Variants in FSTL4 observed in about 807,000 individuals in gnomAD.
FSTL4 encodes the protein follistatin like 4.
Under a neutral mutation model 78.2 loss-of-function variants are expected in FSTL4, and 28 were observed. The observed-to-expected ratio is 0.36, with a 90% CI of 0.27 to 0.49. The LOEUF (loss-of-function observed/expected upper bound fraction) is 0.49, where lower values mean the gene tolerates loss of function less well. FSTL4 is among the 20% of genes least tolerant of loss of function. The probability of loss-of-function intolerance (pLI) is 0.98; values close to 1 mark genes in which losing one functional copy is unlikely to be tolerated. For missense variants in FSTL4, 922 were observed against 1,084.9 expected (o/e 0.85, Z 2.11); for synonymous variants, 422 against 440.5 (o/e 0.96, Z 0.53).
At chr5:133,549,973 A>G (rs1193833338) in intron 3 of FSTL4, among the ~76,000 whole-genome samples, 1 of 152,162 alleles carries the variant, frequency 6.6e-6, no homozygotes, top group African/African-American at 2.4e-5. Flanking sequence ...TTTTATGTAG[A>G]GGAGGTTTTC....
intron 3 of FSTL4, among the ~76,000 whole-genome samples, chr5:133,407,452 T>C (rs538116246): frequency 7.2e-5 from 11 of 152,348 alleles, no homozygotes; most frequent in Non-Finnish European, 1.5e-4. Flanking sequence ...TGAAAGCAGT[T>C]TGACCAGTTC....
chr5:133,553,500 TA>T (rs1759729552), intron 3 of FSTL4, among the ~76,000 whole-genome samples: 1 of 152,186 alleles, frequency 6.6e-6, no homozygotes, highest in African/African-American at 2.4e-5. Flanking sequence ...GTGAGGTCAA[TA>T]AATAAGTCAC....
At chr5:133,637,253 C>G in the FSTL4 span, among the ~76,000 whole-genome samples, 1 of 151,952 alleles carries the variant, frequency 6.6e-6, no homozygotes, top group Non-Finnish European at 1.5e-5. Flanking sequence ...CTCCCTGAAA[C>G]CTACTCCAAA....
chr5:133,530,603 T>A (rs1207252710), intron 3 of FSTL4, among the ~76,000 whole-genome samples: 1 of 152,234 alleles, frequency 6.6e-6, no homozygotes, highest in Non-Finnish European at 1.5e-5. Flanking sequence ...ATATCTTGCA[T>A]GTGTCCTGGA....
chr5:133,825,967 G>T, the FSTL4 span, among the ~76,000 whole-genome samples: 1 of 152,248 alleles, frequency 6.6e-6, no homozygotes, highest in African/African-American at 2.4e-5. Context: ...TCGCCTGCCG[G>T]TGAGGCTGCA....
intron 4 of FSTL4, among the ~76,000 whole-genome samples, chr5:133,330,992 AG>A (rs367902003): frequency 6.6e-6 from 1 of 152,180 alleles, no homozygotes; most frequent in Admixed American, 6.5e-5. Flanking sequence ...GGTCAAAAAC[AG>A]GGGGGCAGGG....
intron 6 of FSTL4, among the ~76,000 whole-genome samples, chr5:133,275,576 A>T (rs1446726545): frequency 2.6e-5 from 4 of 152,030 alleles, no homozygotes; most frequent in Non-Finnish European, 5.9e-5. Flanking sequence ...AACAAAAAAA[A>T]AAGGAATTTC....
At chr5:133,502,148 C>T (rs1403181908) in intron 3 of FSTL4, among the ~76,000 whole-genome samples, 1 of 152,164 alleles carries the variant, frequency 6.6e-6, no homozygotes, top group Non-Finnish European at 1.5e-5. Context: ...ATTCCCAATG[C>T]TTTAAGCCAC....
At chr5:133,774,159 T>G in the FSTL4 span, among the ~76,000 whole-genome samples, 8 of 152,200 alleles carry the variant, frequency 5.3e-5, no homozygotes, top group African/African-American at 1.9e-4. Context: ...AGGAAGACTT[T>G]CTTGGCAGTT....
the FSTL4 span, among the ~76,000 whole-genome samples, chr5:133,717,956 T>G: frequency 1.3e-5 from 2 of 152,224 alleles, no homozygotes; most frequent in African/African-American, 4.8e-5. Flanking sequence ...TGATGTGTAT[T>G]TTTAACTTTA....
intron 2 of FSTL4, among the ~76,000 whole-genome samples, chr5:133,593,151 C>T (rs1044175441): frequency 2.6e-5 from 4 of 152,076 alleles, no homozygotes; most frequent in African/African-American, 9.7e-5. Flanking sequence ...AGACACAGTG[C>T]TGAATGTGGC....
At chr5:133,504,768 C>T (rs139749831) in intron 3 of FSTL4, among the ~76,000 whole-genome samples, 1 of 152,348 alleles carries the variant, frequency 6.6e-6, no homozygotes, top group African/African-American at 2.4e-5. Context: ...GGCCTTCATG[C>T]CACTTCCTCA....
chr5:133,557,356 G>A (rs1454350903), intron 3 of FSTL4, among the ~76,000 whole-genome samples: 1 of 152,194 alleles, frequency 6.6e-6, no homozygotes, highest in Non-Finnish European at 1.5e-5. Context: ...TGGAGAGTGA[G>A]AGACACCCAG....
At chr5:133,391,131 T>C (rs1755838616) in intron 4 of FSTL4, among the ~76,000 whole-genome samples, 1 of 152,222 alleles carries the variant, frequency 6.6e-6, no homozygotes, top group African/African-American at 2.4e-5. Flanking sequence ...GTATTTGAGT[T>C]GTGGCTGGTC....
At chr5:133,662,871 G>A in the FSTL4 span, among the ~76,000 whole-genome samples, 1 of 152,104 alleles carries the variant, frequency 6.6e-6, no homozygotes, top group Non-Finnish European at 1.5e-5. Flanking sequence ...CCTTGGAGAG[G>A]CTTTGTCACA....
intron 6 of FSTL4, among the ~76,000 whole-genome samples, chr5:133,305,146 G>A (rs888788284): frequency 6.6e-6 from 1 of 152,180 alleles, no homozygotes; most frequent in African/African-American, 2.4e-5. Flanking sequence ...AGTCATCACC[G>A]GAGGCCTTCA....
At chr5:133,435,207 T>G (rs1210560664) in intron 3 of FSTL4, among the ~76,000 whole-genome samples, 1 of 152,204 alleles carries the variant, frequency 6.6e-6, no homozygotes. Context: ...TTGAGGTCTT[T>G]TATGATTTTA....
the FSTL4 span, among the ~76,000 whole-genome samples, chr5:133,712,806 C>A: frequency 3.7e-4 from 57 of 152,208 alleles, no homozygotes; most frequent in Non-Finnish European, 7.1e-4. Flanking sequence ...AGGCCTATGC[C>A]CACGATGCTG....
rs1756833608 is a variant in FSTL4, at chr5:133,426,984, T to G, written c.161-25998A>C. Among the ~76,000 whole-genome samples, 1 of 152,132 alleles carries G rather than the reference T, an allele frequency of 6.6e-6. No individual in the cohort carries two copies. The highest frequency in any genetic ancestry group is 2.4e-5 in the African/African-American group (1 of 41,420). ...CCCAACGGCCCAGAGGAATTTTGGTTTATCAAACCTTGAAATACCCCAACA... is the reference window on the plus strand; with the variant it reads ...CCCAACGGCCCAGAGGAATTTTGGTGTATCAAACCTTGAAATACCCCAACA... On this transcript the variant is annotated intron_variant, in intron 3 of 15. Transcript: ENST00000265342. The surrounding 1 kb of genome is among the most constrained non-coding windows in gnomAD (Gnocchi z 5.0).
Sources: gnomAD v4.1 joint callset for allele counts (sites outside exome capture counted in the v4.1 genomes callset) on GRCh38, gnomAD v4.1.1 for gene constraint, Gnocchi (gnomAD v3.1) non-coding constraint, MANE v1.5 for transcripts, NCBI Gene and HGNC (gene_info 2026-07-23, HGNC 2026-07-21) for gene names.